CAMK2B: variants seen among roughly 807,000 people sequenced by gnomAD.
CAMK2B encodes the protein calcium/calmodulin dependent protein kinase II beta.
In CAMK2B, 27 loss-of-function variants were observed where a neutral mutation model predicts 93.7. That is an observed-to-expected ratio of 0.29 (90% confidence interval 0.21 to 0.40). CAMK2B has a LOEUF of 0.40. CAMK2B is among the 10% of genes least tolerant of loss of function. CAMK2B has a pLI of 1.00. For synonymous variants in CAMK2B, 374 were observed against 358.8 expected (o/e 1.04, Z -0.48); for missense variants, 568 against 895.8 (o/e 0.63, Z 4.67).
chr7:44,304,260 T>C (rs774137462), intron 1 of CAMK2B, among the ~76,000 whole-genome samples: 16 of 152,220 alleles, frequency 1.1e-4, no homozygotes, highest in African/African-American at 1.7e-4. Context: ...CCCAAATACA[T>C]TGAAAACTTA....
rs1478830625 is a variant in CAMK2B at position 44,312,240 on chromosome 7, C to G, written c.65+13117G>C. 6.6e-6 allele frequency among the ~76,000 whole-genome samples: 1 copy of G among 152,190 alleles called. No individual in the cohort carries two copies. The highest frequency in any genetic ancestry group is 1.9e-4 in the East Asian group (1 of 5,194). ...TGGAATTTAAAATGACAACTCTATT[C>G]CAGCATCCTCAGCCCACACTGGGGG... On this transcript the variant is annotated intron_variant, in intron 1 of 23. Transcript: ENST00000395749. This position sits in a 1 kb window ranked among gnomAD's most constrained non-coding sequence, Gnocchi z 4.1.
intron 1 of CAMK2B, among the ~76,000 whole-genome samples, chr7:44,307,152 G>T (rs1467761261): frequency 8.4e-6 from 1 of 118,432 alleles, no homozygotes; most frequent in Non-Finnish European, 1.8e-5. Flanking sequence ...TGTGAGCAGA[G>T]GGAGGAGGGT....
chr7:44,243,825 C>T (rs917571089), intron 6 of CAMK2B, among the ~76,000 whole-genome samples: 1 of 152,182 alleles, frequency 6.6e-6, no homozygotes, highest in South Asian at 2.1e-4. Flanking sequence ...CCTGGAAGGG[C>T]GACCTGGGGG....
At chr7:44,231,617 C>G (rs557506440) in intron 16 of CAMK2B, among the ~76,000 whole-genome samples, 1 of 152,234 alleles carries the variant, frequency 6.6e-6, no homozygotes, top group South Asian at 2.1e-4. Flanking sequence ...TCTGCAGATC[C>G]GCACAGGGCT....
Position 44,264,158 on chromosome 7 carries a change from C to T in CAMK2B, c.161-1094G>A, listed in dbSNP as rs74945463. Among the ~76,000 whole-genome samples the T allele has an allele frequency of 4.3e-3, 654 of 152,252 alleles. 3 individuals carry two copies. Among genetic ancestry groups the T allele is most frequent in the African/African-American group, 0.015 (616 of 41,530 alleles). Reference sequence around the variant, plus strand: ...CACATAATTAATACACAAGACAAGACCTCGGGGATGCCTCCTTCGCCAGGA... The same window carrying T: ...CACATAATTAATACACAAGACAAGATCTCGGGGATGCCTCCTTCGCCAGGA... On this transcript the variant is annotated intron_variant, in intron 2 of 23. Transcript: ENST00000395749.
intron 1 of CAMK2B, among the ~76,000 whole-genome samples, chr7:44,309,649 G>A (rs574160688): frequency 6.6e-6 from 1 of 152,320 alleles, no homozygotes; most frequent in South Asian, 2.1e-4. Context: ...CTGCGCCCGC[G>A]GCGTCCCAGC....
intron 1 of CAMK2B, among the ~76,000 whole-genome samples, chr7:44,304,018 G>T (rs1003805923): frequency 1.3e-5 from 2 of 152,116 alleles, no homozygotes; most frequent in Non-Finnish European, 2.9e-5. Context: ...AGTCATTAGG[G>T]AATTGCAAAT....
intron 18 of CAMK2B, 110 bp downstream of exon 18, chr7:44,229,278 G>C (rs2096554432): frequency 1.4e-6 from 1 of 715,472 alleles, no homozygotes; most frequent in Non-Finnish European, 2.3e-6. Flanking sequence ...GGGTGATGAG[G>C]CTGGAGCCAG....
In CAMK2B at chr7:44,288,502, G is replaced by C. The variant is rs546348814; in HGVS notation, c.66-4277C>G. Among the ~76,000 whole-genome samples the C allele has an allele frequency of 2.0e-5, 3 of 152,328 alleles. No individual in the cohort carries two copies. In the East Asian group the frequency reaches 5.8e-4, roughly 29 times the overall value. On this transcript the variant is annotated intron_variant, in intron 1 of 23. Transcript: ENST00000395749. ...GCTGCGAATTGCATCTAGACATCAA[G>C]GTTGCCCGCATGATGGCCTGCATGG... is the stretch of plus-strand genomic sequence containing the variant.
intron 4 of CAMK2B, among the ~76,000 whole-genome samples, chr7:44,256,454 T>A (rs60571849): frequency 6.6e-6 from 1 of 152,170 alleles, no homozygotes; most frequent in Non-Finnish European, 1.5e-5. Context: ...TGTACAACTG[T>A]GTGCCTGTGT....
Position 44,311,560 on chromosome 7 carries a change from C to T in CAMK2B, c.65+13797G>A, listed in dbSNP as rs528893708. On this transcript the variant is annotated intron_variant, in intron 1 of 23. Transcript: ENST00000395749. This position sits in a 1 kb window ranked among gnomAD's most constrained non-coding sequence, Gnocchi z 4.2. ...AAGATTGTTGTGCCCCAGCATGTGC[C>T]CCTGAGGCTGGCCCCGGGTGCTTGC... Among the ~76,000 whole-genome samples, 36 of 152,310 alleles carry T rather than the reference C, an allele frequency of 2.4e-4. No homozygotes were observed. The South Asian group carries it at 7.1e-3, about 30-fold the overall frequency.
chr7:44,314,106 T>C, intron 1 of CAMK2B, among the ~76,000 whole-genome samples: 1 of 152,306 alleles, frequency 6.6e-6, no homozygotes, highest in Non-Finnish European at 1.5e-5. Flanking sequence ...AGGTTTTATT[T>C]CTTTGACATC....
At chr7:44,243,211 C>A in intron 8 of CAMK2B, 39 bp downstream of exon 8, 1 of 1,507,942 alleles carries the variant, frequency 6.6e-7, no homozygotes, top group Non-Finnish European at 9.2e-7. Flanking sequence ...CCTGAAACAC[C>A]CGAGGCCCTG....
At chr7:44,268,850 T>G (rs1562962918) in intron 2 of CAMK2B, 1 of 152,298 alleles carries the variant, frequency 6.6e-6, no homozygotes, top group Non-Finnish European at 1.5e-5. Flanking sequence ...CACAGCCACG[T>G]GACCCATCCT....
chr7:44,264,811 G>C (rs2096909552), intron 2 of CAMK2B, among the ~76,000 whole-genome samples: 1 of 152,216 alleles, frequency 6.6e-6, no homozygotes, highest in Non-Finnish European at 1.5e-5. Flanking sequence ...GTGTCTGTCA[G>C]CATCAGAATG....
rs1239022774 is a variant in CAMK2B at position 44,274,218 on chromosome 7, A to ATGCAGACAATGGAAACAT, written c.160+9895_160+9912dup. On this transcript the variant is annotated intron_variant, in intron 2 of 23. Coordinates refer to ENST00000395749, the MANE Select transcript of CAMK2B (RefSeq NM_001220.5). ...TGGAGTCGGGGCTCCCCCAGGTGAC[A>ATGCAGACAATGGAAACAT]TGCAGACAATGGAAACATCGTGACC... 2.0e-5 allele frequency among the ~76,000 whole-genome samples: 3 copies of ATGCAGACAATGGAAACAT among 152,288 alleles called. No homozygotes were observed. In the East Asian group the frequency reaches 5.8e-4, roughly 29 times the overall value.
chr7:44,268,307 T>C (rs2096938605), intron 2 of CAMK2B, among the ~76,000 whole-genome samples: 2 of 152,226 alleles, frequency 1.3e-5, no homozygotes, highest in African/African-American at 4.8e-5. Context: ...GGGTGGTGCC[T>C]GCCTGGTGGC....
chr7:44,288,061 C>T (rs1481804797), intron 1 of CAMK2B, among the ~76,000 whole-genome samples: 1 of 152,218 alleles, frequency 6.6e-6, no homozygotes, highest in Non-Finnish European at 1.5e-5. Context: ...CCCAGCAGTA[C>T]AGGAAGAGCG....
chr7:44,288,311 A>G (rs1223490379), intron 1 of CAMK2B, among the ~76,000 whole-genome samples: 1 of 152,274 alleles, frequency 6.6e-6, no homozygotes, highest in Non-Finnish European at 1.5e-5. Context: ...CCTTGGGCTC[A>G]GCAAAGAATG....
Sources: allele counts gnomAD v4.1 joint callset (sites outside exome capture counted in the v4.1 genomes callset), GRCh38; gene constraint gnomAD v4.1.1; non-coding constraint Gnocchi (gnomAD v3.1); transcripts MANE v1.5; gene names NCBI Gene and HGNC (gene_info 2026-07-23, HGNC 2026-07-21).